The following NLGN4X variants were observed in gnomAD, a reference collection of about 807,000 sequenced individuals.
NLGN4X encodes neuroligin-4, X-linked.
A neutral mutation model predicts 40.3 loss-of-function variants in NLGN4X; 3 were observed. The observed-to-expected ratio is 0.07, with a 90% CI of 0.03 to 0.19. NLGN4X has a LOEUF of 0.19. Ranked by LOEUF, NLGN4X falls within the 10% of genes least tolerant of loss-of-function variation. NLGN4X has a pLI of 1.00. For missense variants in NLGN4X, 382 were observed against 708.3 expected (o/e 0.54, Z 5.23); for synonymous variants, 270 against 306.8 (o/e 0.88, Z 1.25).
chrX:5,905,436 T>A (rs991998448), intron 4 of NLGN4X, among the ~76,000 whole-genome samples: 2 of 112,294 alleles, frequency 1.8e-5, no homozygotes, highest in Non-Finnish European at 1.9e-5. Flanking sequence ...AATATTTATA[T>A]AGCTGTCTAA....
chrX:5,978,749 T>C (rs2035284926), intron 3 of NLGN4X, among the ~76,000 whole-genome samples: 1 of 111,926 alleles, frequency 8.9e-6, no homozygotes, highest in Non-Finnish European at 1.9e-5. Flanking sequence ...GTATACAGTA[T>C]AATAAATGTT....
At chrX:5,921,641 G>A (rs1375725815) in intron 3 of NLGN4X, among the ~76,000 whole-genome samples, 2 of 111,386 alleles carry the variant, frequency 1.8e-5, no homozygotes. Flanking sequence ...ACAAAACCTT[G>A]AGTTGTCTGT....
intron 3 of NLGN4X, among the ~76,000 whole-genome samples, chrX:5,975,606 C>T (rs778660977): frequency 5.3e-4 from 46 of 86,523 alleles, no homozygotes; most frequent in African/African-American, 2.3e-3. Flanking sequence ...AAGCAAGACT[C>T]CGTTTCAAAA....
chrX:5,987,454 C>T (rs1283666122), intron 3 of NLGN4X, among the ~76,000 whole-genome samples: 6 of 112,818 alleles, frequency 5.3e-5, no homozygotes, highest in African/African-American at 1.6e-4. Context: ...TATAGAAACA[C>T]TTGCCTTAAG....
At chrX:6,058,246 A>G (rs1309734439) in intron 2 of NLGN4X, among the ~76,000 whole-genome samples, 1 of 111,624 alleles carries the variant, frequency 9.0e-6, no homozygotes, top group Non-Finnish European at 1.9e-5. Flanking sequence ...GAAATAGTAT[A>G]AATTGCAGTT....
intron 3 of NLGN4X, among the ~76,000 whole-genome samples, chrX:5,954,163 G>C (rs1405278486): frequency 3.6e-5 from 4 of 110,944 alleles, no homozygotes; most frequent in African/African-American, 1.3e-4. Flanking sequence ...AAACAATCAA[G>C]TTTTGGAAGG....
At chrX:6,097,842 C>T (rs2038816782) in intron 2 of NLGN4X, among the ~76,000 whole-genome samples, 1 of 111,124 alleles carries the variant, frequency 9.0e-6, no homozygotes, top group African/African-American at 3.3e-5. Context: ...TGGCCCTTTA[C>T]AGCTACAACA....
chrX:6,210,528 G>A (rs1390795784), intron 1 of NLGN4X, among the ~76,000 whole-genome samples: 1 of 111,636 alleles, frequency 9.0e-6, no homozygotes, highest in African/African-American at 3.3e-5. Context: ...AGTCCAAAGA[G>A]CTGTCACGTA....
chrX:6,151,815 C>T (rs1315509515), intron 1 of NLGN4X, 44 bp from the exon 2 acceptor site: 2 of 286,341 alleles, frequency 7.0e-6, no homozygotes, highest in South Asian at 5.5e-5. Flanking sequence ...AGCCACACAA[C>T]GACCACCTAG....
At chrX:5,996,602 T>G (rs1306346024) in intron 3 of NLGN4X, among the ~76,000 whole-genome samples, 1 of 21,454 alleles carries the variant, frequency 4.7e-5, no homozygotes, top group Non-Finnish European at 9.6e-5. Flanking sequence ...CCTTTTCACC[T>G]TTTTTTTTTT....
chrX:6,077,533 C>T (rs2038238949), intron 2 of NLGN4X, among the ~76,000 whole-genome samples: 1 of 110,691 alleles, frequency 9.0e-6, no homozygotes, highest in Non-Finnish European at 1.9e-5. Flanking sequence ...AAGCAATCCT[C>T]CTGCCTCAGC....
Position 5,890,425 on chromosome X carries a change from ACT to A in NLGN4X, c.*2390_*2391del, listed in dbSNP as rs1210989044. 1 of 248,847 alleles carries A rather than the reference ACT, an allele frequency of 4.0e-6. No homozygotes were observed. The highest frequency in any genetic ancestry group is 7.3e-6 in the Non-Finnish European group (1 of 136,759). The allele number at this position is 248,847 out of a possible 1,213,427, so 20.5% of individuals were successfully genotyped here. ...AGCTAAAGTTATTCACTTAACAGGA[ACT>A]CTGTTTTTCCTTATTCAAATGTCAC... On this transcript the variant is annotated 3_prime_UTR_variant, in exon 6 of 6. Coordinates refer to ENST00000381095, the MANE Select transcript of NLGN4X (RefSeq NM_181332.3).
chrX:6,130,975 C>T (rs1325606124), intron 2 of NLGN4X, among the ~76,000 whole-genome samples: 1 of 111,606 alleles, frequency 9.0e-6, no homozygotes. Flanking sequence ...TTTGTCACTT[C>T]CTAATGGCTA....
At chrX:6,035,913 T>C (rs1321214976) in intron 2 of NLGN4X, among the ~76,000 whole-genome samples, 6 of 112,250 alleles carry the variant, frequency 5.3e-5, no homozygotes, top group Non-Finnish European at 1.1e-4. Flanking sequence ...CAGTGCATTG[T>C]ATATATAACA....
intron 2 of NLGN4X, among the ~76,000 whole-genome samples, chrX:6,100,776 G>T (rs1312661834): frequency 9.6e-6 from 1 of 104,169 alleles, no homozygotes; most frequent in Non-Finnish European, 2.0e-5. Context: ...CCTAGACTCT[G>T]CAAGGTAGTA....
rs1569309354 is a variant in NLGN4X, at chrX:6,225,681, C to CTTTTTTTTTTTTTTTTTTTTT, written c.-306+2859_-306+2860insAAAAAAAAAAAAAAAAAAAAA. 8.8e-3 allele frequency among the ~76,000 whole-genome samples: 297 copies of CTTTTTTTTTTTTTTTTTTTTT among 33,712 alleles called. 25 individuals are homozygous for CTTTTTTTTTTTTTTTTTTTTT. The highest frequency in any genetic ancestry group is 0.012 in the Non-Finnish European group (238 of 19,895). The allele number at this position is 33,712 out of a possible 115,157, so 29.3% of individuals were successfully genotyped here. On this transcript the variant is annotated intron_variant, in intron 1 of 5. Transcript: ENST00000381095. ...CTTTTTCTTTTCCTTTTTTTTCTTT[C>CTTTTTTTTTTTTTTTTTTTTT]TTTTTTTCTTTTTTTTTTTTTTTTT...
At chrX:6,102,679 G>C (rs757556637) in intron 2 of NLGN4X, among the ~76,000 whole-genome samples, 61 of 74,597 alleles carry the variant, frequency 8.2e-4, no homozygotes, top group African/African-American at 2.9e-3. Context: ...TACATAGACA[G>C]ATAGATACAT....
At chrX:5,939,732 T>C (rs1321991960) in intron 3 of NLGN4X, among the ~76,000 whole-genome samples, 1 of 111,502 alleles carries the variant, frequency 9.0e-6, no homozygotes, top group East Asian at 2.8e-4. Context: ...GTATTCTCAG[T>C]TCCCAGTTAT....
At chrX:6,015,488 G>A (rs1462746330) in intron 3 of NLGN4X, among the ~76,000 whole-genome samples, 1 of 111,266 alleles carries the variant, frequency 9.0e-6, no homozygotes, top group African/African-American at 3.3e-5. Flanking sequence ...ACGGAGGGAT[G>A]CCTTGTCCAT....
Sources: allele counts gnomAD v4.1 joint callset (sites outside exome capture counted in the v4.1 genomes callset), GRCh38; gene constraint gnomAD v4.1.1; transcripts MANE v1.5; gene names NCBI Gene and HGNC (gene_info 2026-07-23, HGNC 2026-07-21).